The following ERBB4 variants were observed in gnomAD, a reference collection of about 807,000 sequenced individuals.
ERBB4 encodes receptor tyrosine-protein kinase erbB-4.
Under a neutral mutation model 158.0 loss-of-function variants are expected in ERBB4, and 42 were observed. The ratio of observed to expected loss-of-function variants is 0.27; its 90% CI spans 0.21 to 0.34. ERBB4 has a LOEUF of 0.34. Among genes scored for constraint, ERBB4 ranks in the 10% least tolerant of loss-of-function variants. ERBB4 has a pLI of 1.00. For missense variants in ERBB4, 1,333 were observed against 1,624.1 expected (o/e 0.82, Z 3.08); for synonymous variants, 583 against 558.7 (o/e 1.04, Z -0.61).
chr2:211,416,545 C>G (rs767347180), intron 25 of ERBB4, among the ~76,000 whole-genome samples: 3 of 152,156 alleles, frequency 2.0e-5, no homozygotes, highest in Non-Finnish European at 4.4e-5. Flanking sequence ...GCCCAGCAAA[C>G]CAGCCTTTTG....
chr2:212,324,517 C>T (rs1167380314), intron 1 of ERBB4, among the ~76,000 whole-genome samples: 4 of 146,074 alleles, frequency 2.7e-5, no homozygotes, highest in Non-Finnish European at 6.1e-5. Context: ...TATATTATTG[C>T]ATTAACAGAA....
chr2:211,389,174 T>C (rs1403400192), intron 25 of ERBB4, among the ~76,000 whole-genome samples: 1 of 152,162 alleles, frequency 6.6e-6, no homozygotes, highest in Non-Finnish European at 1.5e-5. Context: ...TAGCTGGGAC[T>C]ACAGGCACCT....
At chr2:211,801,810 C>A (rs753669442) in intron 3 of ERBB4, among the ~76,000 whole-genome samples, 1 of 152,062 alleles carries the variant, frequency 6.6e-6, no homozygotes, top group Non-Finnish European at 1.5e-5. Context: ...TCATGTTCTA[C>A]GCCTAATTTA....
At chr2:212,191,027 T>A (rs551277132) in intron 1 of ERBB4, among the ~76,000 whole-genome samples, 1 of 151,830 alleles carries the variant, frequency 6.6e-6, no homozygotes, top group Non-Finnish European at 1.5e-5. Flanking sequence ...AACACAGCCC[T>A]AAGGGCATTT....
chr2:211,790,141 C>A (rs2076248643), intron 3 of ERBB4, among the ~76,000 whole-genome samples: 2 of 151,956 alleles, frequency 1.3e-5, no homozygotes, highest in Admixed American at 1.3e-4. Flanking sequence ...TAATGTTTGG[C>A]ATTAAGTTTT....
At chr2:212,406,318 T>A (rs1311937601) in intron 1 of ERBB4, among the ~76,000 whole-genome samples, 3 of 152,086 alleles carry the variant, frequency 2.0e-5, no homozygotes, top group Non-Finnish European at 4.4e-5. Flanking sequence ...AAAGAAGAAC[T>A]CCTTGAGAGT....
chr2:211,913,435 G>C (rs1271021717), intron 3 of ERBB4, among the ~76,000 whole-genome samples: 1 of 151,662 alleles, frequency 6.6e-6, no homozygotes, highest in Non-Finnish European at 1.5e-5. Context: ...ACCTCGTCTC[G>C]ACTAAAACTA....
At chr2:212,446,577 CCATATATATATATGTATATATATATA>C (rs1326854516) in intron 1 of ERBB4, among the ~76,000 whole-genome samples, 11 of 36,034 alleles carry the variant, frequency 3.1e-4, no homozygotes, top group Non-Finnish European at 6.2e-4. Context: ...TAATAAACTC[CCATATATATATATGTATATATATATA>C]TATATATATA....
rs903448829 is a variant in ERBB4, at chr2:211,593,793, C to T, written c.2301+25384G>A. 5.3e-5 allele frequency among the ~76,000 whole-genome samples: 8 copies of T among 152,298 alleles called. No homozygotes were observed. The South Asian group carries it at 1.7e-3, about 32-fold the overall frequency. ...AGGAAAGACTTATCCGAGAGCGCTG[C>T]TGGCAAACAGCCTTCATTCACCCTA... On this transcript the variant is annotated intron_variant, in intron 19 of 27. Coordinates refer to ENST00000342788, the MANE Select transcript of ERBB4 (RefSeq NM_005235.3).
chr2:211,994,288 A>G (rs1031082746), intron 2 of ERBB4, among the ~76,000 whole-genome samples: 2 of 151,418 alleles, frequency 1.3e-5, no homozygotes, highest in African/African-American at 4.9e-5. Flanking sequence ...ATGCCACCAC[A>G]CTCAGCTAAT....
At chr2:211,427,233 T>C (rs1037656048) in intron 22 of ERBB4, among the ~76,000 whole-genome samples, 5 of 152,032 alleles carry the variant, frequency 3.3e-5, no homozygotes, top group Non-Finnish European at 4.4e-5. Context: ...TTTCCAACAA[T>C]GCAAAAAAGG....
At chr2:211,697,554 G>A (rs1392682699) in intron 12 of ERBB4, among the ~76,000 whole-genome samples, 1 of 151,924 alleles carries the variant, frequency 6.6e-6, no homozygotes, top group Admixed American at 6.6e-5. Context: ...AATTTAATTT[G>A]TAAATAGTTC....
chr2:212,404,705 A>C (rs950557795), intron 1 of ERBB4, among the ~76,000 whole-genome samples: 1 of 151,928 alleles, frequency 6.6e-6, no homozygotes, highest in Middle Eastern at 3.4e-3. Context: ...ACATAAGTCA[A>C]CTCGTGTCAC....
intron 3 of ERBB4, among the ~76,000 whole-genome samples, chr2:211,819,955 A>G: frequency 6.6e-6 from 1 of 151,944 alleles, no homozygotes; most frequent in East Asian, 1.9e-4. Context: ...ATGAATAAAT[A>G]GCAAATTTTA....
At chr2:212,086,076 G>A (rs1258809384) in intron 2 of ERBB4, among the ~76,000 whole-genome samples, 1 of 151,940 alleles carries the variant, frequency 6.6e-6, no homozygotes, top group African/African-American at 2.4e-5. Context: ...ACTGGCTTCA[G>A]TTAACTCAAG....
intron 4 of ERBB4, among the ~76,000 whole-genome samples, chr2:211,775,429 A>G (rs1038744712): frequency 6.6e-6 from 1 of 152,190 alleles, no homozygotes; most frequent in African/African-American, 2.4e-5. Flanking sequence ...CACCAAGGTA[A>G]AAATTTCTAT....
chr2:212,116,012 A>C (rs1483917456), intron 2 of ERBB4, among the ~76,000 whole-genome samples: 3 of 152,094 alleles, frequency 2.0e-5, no homozygotes, highest in African/African-American at 4.8e-5. Context: ...GGCTAAAAAA[A>C]CTTTTTGCAA....
At chr2:212,296,061 T>C (rs1454749157) in intron 1 of ERBB4, among the ~76,000 whole-genome samples, 1 of 151,998 alleles carries the variant, frequency 6.6e-6, no homozygotes, top group Non-Finnish European at 1.5e-5. Flanking sequence ...CTGTAAGAAC[T>C]TCTTGGATAA....
chr2:212,400,648 A>T (rs965256448), intron 1 of ERBB4, among the ~76,000 whole-genome samples: 4 of 152,170 alleles, frequency 2.6e-5, no homozygotes, highest in African/African-American at 9.7e-5. Context: ...TAACAAAACT[A>T]TGGGATTTGG....
Sources: allele counts gnomAD v4.1 joint callset (sites outside exome capture counted in the v4.1 genomes callset), GRCh38; gene constraint gnomAD v4.1.1; transcripts MANE v1.5; gene names NCBI Gene and HGNC (gene_info 2026-07-23, HGNC 2026-07-21).